UNC79: variants seen among roughly 807,000 people sequenced by gnomAD.
UNC79 encodes unc-79 subunit of NALCN channel complex, also known as protein unc-79 homolog.
Under a neutral mutation model 283.1 loss-of-function variants are expected in UNC79, and 37 were observed. The observed-to-expected ratio is 0.13, with a 90% CI of 0.10 to 0.17. UNC79 has a LOEUF of 0.17. Among genes scored for constraint, UNC79 ranks in the 10% least tolerant of loss-of-function variants. The pLI is 1.00. For missense variants in UNC79, 2,272 were observed against 3,211.1 expected, an observed-to-expected ratio of 0.71 and a Z score of 7.07; for synonymous variants, 1,107 against 1,200.2, an observed-to-expected ratio of 0.92 and a Z score of 1.61.
At chr14:93,431,128 G>T in intron 1 of UNC79, 77 bp downstream of exon 1, 1 of 603,962 alleles carries the variant, frequency 1.7e-6, no homozygotes, top group Non-Finnish European at 3.1e-6. Flanking sequence ...GCGGCTGCTG[G>T]GAGACCTTGG....
chr14:93,461,944 C>T (rs1250346542), intron 1 of UNC79, among the ~76,000 whole-genome samples: 4 of 132,232 alleles, frequency 3.0e-5, no homozygotes, highest in Non-Finnish European at 6.4e-5. Flanking sequence ...GGGACAAGGA[C>T]ATAGAAAGGT....
intron 11 of UNC79, among the ~76,000 whole-genome samples, chr14:93,536,971 T>G (rs188789726): frequency 6.6e-6 from 1 of 152,298 alleles, no homozygotes; most frequent in Non-Finnish European, 1.5e-5. Context: ...GAGAATCCTA[T>G]GCTGGCTGGA....
In UNC79 at chr14:93,474,361, A is replaced by T; in HGVS notation, c.416A>T (p.Asp139Val). 2 of 1,535,924 alleles carry T rather than the reference A, an allele frequency of 1.3e-6. No homozygotes were observed. The highest frequency in any genetic ancestry group is 1.7e-6 in the Non-Finnish European group (2 of 1,146,804). ...TACGTGACTTTGGTGACCCTCCTGGATCTAGTTCCTTTACTACAGCACGGC... is the reference window on the plus strand; with the variant it reads ...TACGTGACTTTGGTGACCCTCCTGGTTCTAGTTCCTTTACTACAGCACGGC... Residue 139 changes from aspartate (D) to valine (V), a missense_variant, in exon 3 of 49, where the codon GAT becomes GTT. Around this residue, in one of 11 missense-constraint regions of UNC79, gnomAD observed 194 missense variants for 268.9 expected, o/e 0.72. Coordinates refer to ENST00000555664, the Ensembl canonical transcript of UNC79. This position sits in a 1 kb window ranked among gnomAD's most constrained non-coding sequence, Gnocchi z 4.1.
At chr14:93,694,227 C>G (rs915241528) in intron 46 of UNC79, 108 bp from the exon 50 acceptor site, 7 of 931,984 alleles carry the variant, frequency 7.5e-6, no homozygotes, top group African/African-American at 6.5e-5. Context: ...GGTCATTACA[C>G]AGAAAGACCT....
chr14:93,414,409 A>G (rs926668078), intron 1 of UNC79, among the ~76,000 whole-genome samples: 10 of 152,096 alleles, frequency 6.6e-5, no homozygotes, highest in African/African-American at 2.4e-4. Flanking sequence ...TACCAGTACC[A>G]TACTGTTTTG....
rs117422997 is a variant in UNC79 at position 93,565,007 on chromosome 14, C to T, written c.1756-6887C>T. On this transcript the variant is annotated intron_variant, in intron 14 of 48. Coordinates refer to ENST00000555664, the Ensembl canonical transcript of UNC79. Reference sequence around the variant, plus strand: ...CCCCAAATTATAAGAGGCGTGCCTACGGGTCCAAACCCAAAGAATGGGCTA... The same window carrying T: ...CCCCAAATTATAAGAGGCGTGCCTATGGGTCCAAACCCAAAGAATGGGCTA... Among the ~76,000 whole-genome samples, 302 of 152,276 alleles carry T rather than the reference C, an allele frequency of 2.0e-3. 13 individuals are homozygous for T. The East Asian group carries it at 0.043, about 22-fold the overall frequency.
At chr14:93,363,343 G>GT (rs1489961903) in intron 1 of UNC79, among the ~76,000 whole-genome samples, 2 of 152,018 alleles carry the variant, frequency 1.3e-5, no homozygotes, top group Non-Finnish European at 2.9e-5. Context: ...TTAAGATTTT[G>GT]GTTTTTAAAA....
intron 20 of UNC79, among the ~76,000 whole-genome samples, chr14:93,583,832 G>C (rs563864841): frequency 6.8e-6 from 1 of 147,570 alleles, no homozygotes; most frequent in East Asian, 2.0e-4. Flanking sequence ...TAAGATAAGG[G>C]TCCTGCTCTG....
At chr14:93,598,251 A>G (rs748030565) in intron 24 of UNC79, among the ~76,000 whole-genome samples, 5 of 152,056 alleles carry the variant, frequency 3.3e-5, no homozygotes, top group Non-Finnish European at 5.9e-5. Flanking sequence ...TTGGCCTCCC[A>G]GAGTGCTGGG....
At chr14:93,551,467 G>T (rs989266489) in intron 14 of UNC79, among the ~76,000 whole-genome samples, 1 of 152,124 alleles carries the variant, frequency 6.6e-6, no homozygotes, top group African/African-American at 2.4e-5. Context: ...GGTTGTGATG[G>T]TTGTCTTGAG....
chr14:93,526,665 T>G (rs944837065), intron 8 of UNC79, among the ~76,000 whole-genome samples: 1 of 152,212 alleles, frequency 6.6e-6, no homozygotes, highest in African/African-American at 2.4e-5. Context: ...ACCAACCTGT[T>G]CAGACTAGAA....
At chr14:93,389,135 T>G (rs1450342522) in intron 1 of UNC79, among the ~76,000 whole-genome samples, 1 of 152,174 alleles carries the variant, frequency 6.6e-6, no homozygotes, top group Non-Finnish European at 1.5e-5. Flanking sequence ...ACAGTGACAT[T>G]TAGACAACAT....
chr14:93,611,508 G>C (rs911364007), intron 26 of UNC79, among the ~76,000 whole-genome samples: 1 of 152,194 alleles, frequency 6.6e-6, no homozygotes. Flanking sequence ...CTATCCCAGA[G>C]AAAAAGTATG....
At chr14:93,496,935 C>T (rs1210787768) in intron 6 of UNC79, among the ~76,000 whole-genome samples, 2 of 152,130 alleles carry the variant, frequency 1.3e-5, no homozygotes, top group Non-Finnish European at 2.9e-5. Flanking sequence ...TTGTACTCTA[C>T]CTGTGAGGGC....
chr14:93,373,199 T>A (rs2054489615), intron 1 of UNC79, among the ~76,000 whole-genome samples: 1 of 152,166 alleles, frequency 6.6e-6, no homozygotes. Context: ...TGAGTACATA[T>A]GTTAGAAGAG....
intron 48 of UNC79, 110 bp from the exon 52 acceptor site, chr14:93,706,594 C>T: frequency 7.9e-7 from 1 of 1,269,028 alleles, no homozygotes; most frequent in Non-Finnish European, 1.1e-6. Flanking sequence ...TCAGGCCAGA[C>T]AACCCTTGAG....
At chr14:93,648,787 CAG>C (rs1249716311) in intron 35 of UNC79, among the ~76,000 whole-genome samples, 3 of 152,132 alleles carry the variant, frequency 2.0e-5, no homozygotes, top group African/African-American at 4.8e-5. Flanking sequence ...ATGGTAAAAA[CAG>C]TGTGTAGGAG....
intron 1 of UNC79, among the ~76,000 whole-genome samples, chr14:93,346,847 T>C (rs1244251494): frequency 6.6e-6 from 1 of 151,620 alleles, no homozygotes; most frequent in Non-Finnish European, 1.5e-5. Context: ...CAGGAGAGTT[T>C]AGGAGAGGAT....
At chr14:93,583,014 C>T (rs149772757) in intron 20 of UNC79, among the ~76,000 whole-genome samples, 57 of 152,086 alleles carry the variant, frequency 3.7e-4, no homozygotes, top group African/African-American at 1.2e-3. Flanking sequence ...ATCCATGATC[C>T]GGAAGAGTTA....
Sources: gnomAD v4.1 joint callset for allele counts (sites outside exome capture counted in the v4.1 genomes callset) on GRCh38, gnomAD v4.1.1 for gene constraint, gnomAD v4.1.1 regional missense constraint, Gnocchi (gnomAD v3.1) non-coding constraint, MANE v1.5 for transcripts, NCBI Gene and HGNC (gene_info 2026-07-23, HGNC 2026-07-21) for gene names.